FKBP1B: variants seen among roughly 807,000 people sequenced by gnomAD.
The protein encoded by FKBP1B is peptidyl-prolyl cis-trans isomerase FKBP1B.
Under a neutral mutation model 13.5 loss-of-function variants are expected in FKBP1B, and 4 were observed. The observed-to-expected ratio is 0.30, with a 90% CI of 0.15 to 0.68. The LOEUF (loss-of-function observed/expected upper bound fraction) is 0.68. Ranked by LOEUF, FKBP1B falls within the 30% of genes least tolerant of loss-of-function variation. The pLI, the probability that FKBP1B is intolerant of heterozygous loss-of-function variation, is 0.76. For missense variants in FKBP1B, 93 were observed against 136.2 expected (o/e 0.68, Z 1.58); for synonymous variants, 54 against 53.6 (o/e 1.01, Z -0.03).
chr2:24,052,109 C>A (rs1286101451), intron 1 of FKBP1B, among the ~76,000 whole-genome samples: 7 of 152,146 alleles, frequency 4.6e-5, no homozygotes, highest in Admixed American at 4.6e-4. Flanking sequence ...AGTCTGATTG[C>A]ATGACCTGTC....
chr2:24,057,860 T>G (rs1664208633), intron 2 of FKBP1B, among the ~76,000 whole-genome samples: 1 of 152,104 alleles, frequency 6.6e-6, no homozygotes, highest in Non-Finnish European at 1.5e-5. Flanking sequence ...CTTATCAATC[T>G]TTCCCTTTAT....
Position 24,050,211 on chromosome 2 carries a change from C to A in FKBP1B, c.37+325C>A, listed in dbSNP as rs1468321833. On this transcript the variant is annotated intron_variant, in intron 1 of 3. Transcript: ENST00000380986. This position sits in a 1 kb window ranked among gnomAD's most constrained non-coding sequence, Gnocchi z 5.8. ...CGGTTATCCGCTGCTGCTGATACCC[C>A]AGCCTGGGTTTCGGCTTCGCTTTCC... Among the ~76,000 whole-genome samples, 1 of 152,188 alleles carries A rather than the reference C, an allele frequency of 6.6e-6. No individual in the cohort carries two copies. Among genetic ancestry groups the A allele is most frequent in the East Asian group, 1.9e-4 (1 of 5,184 alleles).
chr2:24,046,611 A>G (rs774806068), upstream of FKBP1B, among the ~76,000 whole-genome samples: 1 of 152,216 alleles, frequency 6.6e-6, no homozygotes, highest in Non-Finnish European at 1.5e-5. Flanking sequence ...TGGCATTTCC[A>G]GCAGGTTTAA....
chr2:24,038,533 A>G, the FKBP1B span: 13 of 1,614,272 alleles, frequency 8.1e-6, no homozygotes, highest in Non-Finnish European at 2.5e-6. Flanking sequence ...AAAGGTCACA[A>G]GGACCAAATG....
chr2:24,051,420 G>A (rs759736629), intron 1 of FKBP1B, among the ~76,000 whole-genome samples: 12 of 151,948 alleles, frequency 7.9e-5, no homozygotes, highest in Admixed American at 2.0e-4. Context: ...TCTCCCCCAG[G>A]AGGGGCCTTT....
chr2:24,039,390 G>C, the FKBP1B span: 1 of 1,614,252 alleles, frequency 6.2e-7, no homozygotes, highest in African/African-American at 1.3e-5. Context: ...AATCAGTTAG[G>C]ACAACTTGAT....
At chr2:24,036,479 G>A in the FKBP1B span, among the ~76,000 whole-genome samples, 4 of 152,188 alleles carry the variant, frequency 2.6e-5, no homozygotes, top group African/African-American at 4.8e-5. Context: ...GCTGGCGGGC[G>A]TGTGATGATG....
chr2:24,061,192 C>T (rs1379091401), intron 3 of FKBP1B, among the ~76,000 whole-genome samples: 4 of 152,122 alleles, frequency 2.6e-5, no homozygotes, highest in African/African-American at 7.2e-5. Flanking sequence ...GAGCCAGGCA[C>T]GGTGGCTCAC....
upstream of FKBP1B, chr2:24,047,446 CGGTCCTCTGATAGGTGGGT>C (rs1428082022): frequency 2.0e-5 from 3 of 152,162 alleles, no homozygotes; most frequent in Admixed American, 1.3e-4. Context: ...GCGGTGATAT[CGGTCCTCTGATAGGTGGGT>C]GGTCCTCTGA....
Position 24,049,994 on chromosome 2 carries a change from G to A in FKBP1B, c.37+108G>A, listed in dbSNP as rs936899922. 4 of 867,010 alleles carry A rather than the reference G, an allele frequency of 4.6e-6. No individual in the cohort carries two copies. The African/African-American group carries it at 5.3e-5, about 11-fold the overall frequency. The allele number at this position is 867,010 out of a possible 1,614,324, so 53.7% of individuals were successfully genotyped here. Reference sequence around the variant, plus strand: ...GTGGAGGGTGCTGAAGGGTCGGGGGGCTGGATGGGGAAGGCAGGCGGAGAC... The same window carrying A: ...GTGGAGGGTGCTGAAGGGTCGGGGGACTGGATGGGGAAGGCAGGCGGAGAC... On this transcript the variant is annotated intron_variant, in intron 1 of 3. Coordinates refer to ENST00000380986, the MANE Select transcript of FKBP1B (RefSeq NM_004116.5).
chr2:24,056,845 C>A (rs1024697268), intron 2 of FKBP1B, among the ~76,000 whole-genome samples: 5 of 152,050 alleles, frequency 3.3e-5, no homozygotes, highest in Admixed American at 2.6e-4. Flanking sequence ...TGTGTGCCAC[C>A]GTGCCCGGCT....
chr2:24,055,418 C>T (rs1043587202), intron 2 of FKBP1B, among the ~76,000 whole-genome samples: 17 of 152,012 alleles, frequency 1.1e-4, no homozygotes, highest in African/African-American at 1.7e-4. Flanking sequence ...CTATGTTGCC[C>T]GGGCTGGTCT....
At chr2:24,054,263 G>T in intron 2 of FKBP1B, 1 of 540,266 alleles carries the variant, frequency 1.9e-6, no homozygotes, top group Non-Finnish European at 3.5e-6. Context: ...TGCTGGGTCT[G>T]TCTGATATTT....
At chr2:24,049,362 C>T (rs1663740374), upstream of FKBP1B, among the ~76,000 whole-genome samples, 1 of 152,030 alleles carries the variant, frequency 6.6e-6, no homozygotes, top group South Asian at 2.1e-4. Flanking sequence ...GAGCAAGATC[C>T]TCTGTCTAAA....
intron 2 of FKBP1B, among the ~76,000 whole-genome samples, chr2:24,055,245 AC>A (rs1664070283): frequency 7.1e-6 from 1 of 141,598 alleles, no homozygotes; most frequent in Non-Finnish European, 1.5e-5. Flanking sequence ...ACAGGGTCTC[AC>A]TCTGTGACTC....
the FKBP1B span, among the ~76,000 whole-genome samples, chr2:24,042,752 G>T: frequency 1.1e-4 from 17 of 150,902 alleles, no homozygotes; most frequent in Non-Finnish European, 2.4e-4. Flanking sequence ...CTGGGCCAGA[G>T]CCAGGCGCGG....
chr2:24,044,691 C>G, the FKBP1B span, among the ~76,000 whole-genome samples: 2 of 152,190 alleles, frequency 1.3e-5, no homozygotes, highest in African/African-American at 4.8e-5. Context: ...CCTTTCTACT[C>G]CTGTGTTAGC....
the FKBP1B span, chr2:24,039,127 G>A: frequency 1.2e-6 from 2 of 1,614,196 alleles, no homozygotes; most frequent in Non-Finnish European, 1.7e-6. Context: ...AGCACATTTT[G>A]GGTGCCACAC....
chr2:24,034,218 C>T, the FKBP1B span, among the ~76,000 whole-genome samples: 5 of 151,960 alleles, frequency 3.3e-5, no homozygotes, highest in Admixed American at 2.0e-4. Flanking sequence ...GTCAGGAGTT[C>T]GAGACCAGCC....
Sources: allele counts gnomAD v4.1 joint callset (sites outside exome capture counted in the v4.1 genomes callset), GRCh38; gene constraint gnomAD v4.1.1; non-coding constraint Gnocchi (gnomAD v3.1); transcripts MANE v1.5; gene names NCBI Gene and HGNC (gene_info 2026-07-23, HGNC 2026-07-21).